WNT9B: variants seen among roughly 807,000 people sequenced by gnomAD.
The protein encoded by WNT9B is protein Wnt-9b.
Under a neutral mutation model 30.2 loss-of-function variants are expected in WNT9B, and 12 were observed. The observed-to-expected ratio is 0.40, with a 90% CI of 0.26 to 0.64. The LOEUF (loss-of-function observed/expected upper bound fraction) is 0.64. Among genes scored for constraint, WNT9B ranks in the 30% least tolerant of loss-of-function variants. The pLI is 0.42. For synonymous variants in WNT9B, 218 were observed against 216.9 expected (o/e 1.01, Z -0.05); for missense variants, 442 against 485.2 (o/e 0.91, Z 0.84).
At chr17:46,853,363 C>CTTT (rs35252647) in intron 1 of WNT9B, among the ~76,000 whole-genome samples, 7,383 of 78,866 alleles carry the variant, frequency 0.094, 1,235 homozygotes, top group South Asian at 0.2. Flanking sequence ...ATGCTAGTGA[C>CTTT]TTTTTTTTTT....
In WNT9B at chr17:46,851,765, C is replaced by A; in HGVS notation, c.77+50C>A. 1 of 996,210 alleles carries A rather than the reference C, an allele frequency of 1.0e-6. No individual in the cohort carries two copies. The highest frequency in any genetic ancestry group is 1.3e-6 in the Non-Finnish European group (1 of 765,274). The allele number at this position is 996,210 out of a possible 1,614,324, so 61.7% of individuals were successfully genotyped here. The stretch of plus-strand genomic sequence containing the variant: ...CCGCTCCCCGGCCTGCCTGTCTCTC[C>A]CTCCTGCGCTACAGCTGGGCCAATT... On this transcript the variant is annotated intron_variant, in intron 1 of 3. Coordinates refer to ENST00000290015, the MANE Select transcript of WNT9B (RefSeq NM_003396.3). The surrounding 1 kb of genome is among the most constrained non-coding windows in gnomAD (Gnocchi z 4.3).
chr17:46,861,332 G>T (rs1243313961), intron 1 of WNT9B, among the ~76,000 whole-genome samples: 1 of 152,192 alleles, frequency 6.6e-6, no homozygotes, highest in Non-Finnish European at 1.5e-5. Flanking sequence ...GAGTCCCACA[G>T]TCTCTAGCAG....
chr17:46,843,759 T>C (rs1473005708), intron 1 of WNT9B, among the ~76,000 whole-genome samples: 1 of 152,226 alleles, frequency 6.6e-6, no homozygotes, highest in Non-Finnish European at 1.5e-5. Flanking sequence ...CCTGGTGTAA[T>C]GTAAGTGCTC....
At chr17:46,846,885 G>A (rs937423585), upstream of WNT9B, among the ~76,000 whole-genome samples, 38 of 152,176 alleles carry the variant, frequency 2.5e-4, no homozygotes, top group Non-Finnish European at 4.4e-4. Flanking sequence ...TCCCAAGATA[G>A]GACAGGGGCC....
At chr17:46,883,760 C>T (rs1241069265), downstream of WNT9B, among the ~76,000 whole-genome samples, 1 of 152,198 alleles carries the variant, frequency 6.6e-6, no homozygotes, top group African/African-American at 2.4e-5. Context: ...TTCAGGGCGA[C>T]TGGTGGCATC....
At chr17:46,836,992 TAGTGC>T (rs2084639928) in intron 1 of WNT9B, among the ~76,000 whole-genome samples, 1 of 152,056 alleles carries the variant, frequency 6.6e-6, no homozygotes, top group South Asian at 2.1e-4. Flanking sequence ...GCCCAGGCTG[TAGTGC>T]AGTGGCGTGA....
chr17:46,833,436 A>G (rs781597814), exon 1 of WNT9B: 20 of 515,496 alleles, frequency 3.9e-5, no homozygotes, highest in Non-Finnish European at 7.4e-5. Context: ...AAGAAGAATC[A>G]GAAGGTGAGT....
chr17:46,876,110 G>A, intron 3 of WNT9B, 135 bp from the exon 4 acceptor site: 1 of 795,680 alleles, frequency 1.3e-6, no homozygotes, highest in Non-Finnish European at 2.0e-6. Context: ...AGGCCAAGGG[G>A]AGGAGCTGGG....
intron 1 of WNT9B, among the ~76,000 whole-genome samples, chr17:46,856,620 A>G (rs1240964115): frequency 6.6e-6 from 1 of 151,334 alleles, no homozygotes; most frequent in Admixed American, 6.6e-5. Flanking sequence ...AGTAGATGGG[A>G]TGACAAGTGT....
intron 1 of WNT9B, among the ~76,000 whole-genome samples, chr17:46,871,134 C>A (rs985461299): frequency 7.2e-5 from 11 of 152,132 alleles, no homozygotes; most frequent in African/African-American, 2.4e-4. Flanking sequence ...CTCTCAAACT[C>A]CTGGACTCAA....
intron 1 of WNT9B, among the ~76,000 whole-genome samples, chr17:46,868,854 C>T (rs2085188214): frequency 6.6e-6 from 1 of 152,126 alleles, no homozygotes; most frequent in Non-Finnish European, 1.5e-5. Context: ...CCTGCCACAC[C>T]CAGAATTATT....
chr17:46,841,290 G>A (rs975493673), intron 1 of WNT9B, among the ~76,000 whole-genome samples: 26 of 152,300 alleles, frequency 1.7e-4, no homozygotes, highest in African/African-American at 5.1e-4. Flanking sequence ...ACTTGCCCAC[G>A]GTCACCCAGC....
chr17:46,881,515 G>A (rs929103673), downstream of WNT9B, among the ~76,000 whole-genome samples: 7 of 152,150 alleles, frequency 4.6e-5, no homozygotes, highest in Non-Finnish European at 1.0e-4. Context: ...AGGCTATATC[G>A]CTAGCAAGCG....
chr17:46,836,492 A>C (rs934321668), intron 1 of WNT9B, among the ~76,000 whole-genome samples: 6 of 152,206 alleles, frequency 3.9e-5, no homozygotes, highest in African/African-American at 1.4e-4. Flanking sequence ...TTACACTGAT[A>C]AGAGGAAGAA....
At position 46,876,769 on chromosome 17, in the gene WNT9B, C is replaced by T. The variant is rs747006152; in HGVS notation, c.*51C>T. The T allele has an allele frequency of 1.9e-5, 28 of 1,489,454 alleles. No individual in the cohort carries two copies. The highest frequency in any genetic ancestry group is 2.5e-5 in the Non-Finnish European group (28 of 1,117,600). The allele number at this position is 1,489,454 out of a possible 1,614,324, so 92.3% of individuals were successfully genotyped here. A position where few individuals can be genotyped will look rare whatever the true frequency, so the allele number is the denominator to read the frequency against. ...GCACTGCCAGGACCTCCTGTGGCAC[C>T]CTTCAAGCTGCCCAGCCGGCCCTCT... On this transcript the variant is annotated 3_prime_UTR_variant, in exon 4 of 4. Transcript: ENST00000290015.
chr17:46,863,599 C>T (rs1031458121), intron 1 of WNT9B, among the ~76,000 whole-genome samples: 1 of 152,144 alleles, frequency 6.6e-6, no homozygotes, highest in African/African-American at 2.4e-5. Flanking sequence ...AACATCACAG[C>T]ATACTAGAGC....
chr17:46,866,559 C>T (rs1331647311), intron 1 of WNT9B, among the ~76,000 whole-genome samples: 1 of 152,036 alleles, frequency 6.6e-6, no homozygotes, highest in Non-Finnish European at 1.5e-5. Context: ...AGGGCGCACT[C>T]ACCATGCAAA....
chr17:46,883,697 G>A (rs1288751496), downstream of WNT9B, among the ~76,000 whole-genome samples: 4 of 152,228 alleles, frequency 2.6e-5, no homozygotes, highest in African/African-American at 9.6e-5. Flanking sequence ...TTCCCGGGGA[G>A]TGCTGGGCAC....
At chr17:46,847,967 A>AGTGTGT (rs57125736), upstream of WNT9B, among the ~76,000 whole-genome samples, 20,485 of 149,516 alleles carry the variant, frequency 0.14, 1,790 homozygotes, top group East Asian at 0.33. Context: ...TGATTTCCAA[A>AGTGTGT]GTGTGTGTGT....
Sources: gnomAD v4.1 joint callset for allele counts (sites outside exome capture counted in the v4.1 genomes callset) on GRCh38, gnomAD v4.1.1 for gene constraint, Gnocchi (gnomAD v3.1) non-coding constraint, MANE v1.5 for transcripts, NCBI Gene and HGNC (gene_info 2026-07-23, HGNC 2026-07-21) for gene names.